The following CACNB2 variants were observed in gnomAD, a reference collection of about 807,000 sequenced individuals.
CACNB2 encodes voltage-dependent L-type calcium channel subunit beta-2.
CACNB2 carries 42 observed loss-of-function variants against 73.3 expected under a neutral mutation model. The ratio of observed to expected loss-of-function variants is 0.57; its 90% CI spans 0.45 to 0.74. The LOEUF is 0.74. CACNB2 is among the 30% of genes least tolerant of loss of function. CACNB2 has a pLI of 0.00. For missense variants in CACNB2, 940 were observed against 853.0 expected (o/e 1.10, Z -1.27); for synonymous variants, 348 against 310.3 (o/e 1.12, Z -1.28).
At chr10:18,302,618 C>T (rs1046782744) in intron 2 of CACNB2, among the ~76,000 whole-genome samples, 3 of 152,162 alleles carry the variant, frequency 2.0e-5, no homozygotes, top group Non-Finnish European at 2.9e-5. Context: ...ACATTATATT[C>T]ATATGTTCTC....
At chr10:18,401,068 A>C in intron 2 of CACNB2, 13 of 1,614,198 alleles carry the variant, frequency 8.1e-6, no homozygotes, top group Non-Finnish European at 1.1e-5. Flanking sequence ...GAAAAGAGCC[A>C]AGGGAGGAAG....
chr10:18,432,761 G>A (rs1420636262), intron 3 of CACNB2, among the ~76,000 whole-genome samples: 1 of 152,094 alleles, frequency 6.6e-6, no homozygotes, highest in Admixed American at 6.6e-5. Context: ...GCTTGAGCCA[G>A]GAGGCAGAGG....
chr10:18,412,391 G>A (rs16917298), intron 3 of CACNB2, among the ~76,000 whole-genome samples: 11,234 of 152,124 alleles, frequency 0.074, 490 homozygotes, highest in Non-Finnish European at 0.1. Flanking sequence ...AATAAACAAC[G>A]CTGTCCTCCC....
At chr10:18,325,895 C>A (rs1356279898) in intron 2 of CACNB2, among the ~76,000 whole-genome samples, 1 of 152,000 alleles carries the variant, frequency 6.6e-6, no homozygotes, top group African/African-American at 2.4e-5. Flanking sequence ...GAGGCGCACA[C>A]CACCATGCTC....
intron 2 of CACNB2, among the ~76,000 whole-genome samples, chr10:18,259,116 A>C (rs936603927): frequency 1.3e-5 from 2 of 152,330 alleles, no homozygotes; most frequent in Middle Eastern, 3.4e-3. Flanking sequence ...TTCAGAGTTT[A>C]AATTATGCTA....
intron 2 of CACNB2, among the ~76,000 whole-genome samples, chr10:18,365,935 A>G (rs1206391663): frequency 6.6e-6 from 1 of 152,204 alleles, no homozygotes; most frequent in East Asian, 1.9e-4. Flanking sequence ...GAGGGTAGGA[A>G]TTCCAGGAAG....
intron 2 of CACNB2, among the ~76,000 whole-genome samples, chr10:18,283,637 G>A (rs916014423): frequency 4.7e-5 from 7 of 149,038 alleles, no homozygotes; most frequent in South Asian, 2.2e-4. Context: ...ACTTGGACAC[G>A]GGGTGGGAAC....
intron 2 of CACNB2, among the ~76,000 whole-genome samples, chr10:18,318,555 A>G (rs181150175): frequency 5.1e-4 from 78 of 152,376 alleles, no homozygotes; most frequent in African/African-American, 1.7e-3. Context: ...CAAAGACTTT[A>G]TGATGAAAAC....
Position 18,242,767 on chromosome 10 carries a change from G to A in CACNB2, c.213+91792G>A, listed in dbSNP as rs890666950. Among the ~76,000 whole-genome samples, 5 of 151,310 alleles carry A rather than the reference G, an allele frequency of 3.3e-5. No homozygotes were observed. In the East Asian group the frequency reaches 5.8e-4, roughly 18 times the overall value. On this transcript the variant is annotated intron_variant, in intron 2 of 13. Coordinates refer to ENST00000324631, the MANE Select transcript of CACNB2 (RefSeq NM_201596.3). ...TGGGAGGCTGAGGCAGGTGGATCAC[G>A]AGGTCAGGAGATTGAGACCATCCTG...
intron 2 of CACNB2, among the ~76,000 whole-genome samples, chr10:18,304,539 C>G (rs1588991596): frequency 6.6e-6 from 1 of 152,038 alleles, no homozygotes. Flanking sequence ...CCAATGTAAC[C>G]TAAACCTGTT....
At chr10:18,249,024 C>G (rs558999602) in intron 2 of CACNB2, among the ~76,000 whole-genome samples, 41 of 152,300 alleles carry the variant, frequency 2.7e-4, no homozygotes, top group Non-Finnish European at 5.4e-4. Context: ...CTGGCCAGTC[C>G]ACTCACCTAC....
intron 2 of CACNB2, among the ~76,000 whole-genome samples, chr10:18,249,445 C>T (rs1793173219): frequency 6.6e-6 from 1 of 152,110 alleles, no homozygotes; most frequent in African/African-American, 2.4e-5. Context: ...CATTTTTCTA[C>T]TCTCTGCTTA....
intron 13 of CACNB2, among the ~76,000 whole-genome samples, chr10:18,538,646 T>C (rs578082063): frequency 7.9e-5 from 12 of 152,264 alleles, no homozygotes; most frequent in Admixed American, 6.5e-4. Context: ...CTCTTACCAC[T>C]TGTGGGGTGG....
chr10:18,433,604 C>T (rs564420090), intron 3 of CACNB2, among the ~76,000 whole-genome samples: 24 of 152,096 alleles, frequency 1.6e-4, no homozygotes, highest in African/African-American at 5.5e-4. Flanking sequence ...AAAGCCCTTT[C>T]TCATGCAAAT....
At chr10:18,420,743 C>T (rs1053676017) in intron 3 of CACNB2, among the ~76,000 whole-genome samples, 3 of 152,202 alleles carry the variant, frequency 2.0e-5, no homozygotes, top group Admixed American at 1.3e-4. Context: ...TTAGCCATCA[C>T]AGTCAGCTAA....
chr10:18,436,677 A>G (rs574272494), intron 3 of CACNB2, among the ~76,000 whole-genome samples: 2 of 152,368 alleles, frequency 1.3e-5, no homozygotes, highest in East Asian at 3.9e-4. Flanking sequence ...TTTTATACCT[A>G]CAAAATGTTA....
chr10:18,375,410 A>C (rs1479824498), intron 2 of CACNB2, among the ~76,000 whole-genome samples: 1 of 152,156 alleles, frequency 6.6e-6, no homozygotes, highest in Non-Finnish European at 1.5e-5. Context: ...AAGTCTTCTG[A>C]GAGGTAGTAT....
At chr10:18,433,351 G>C (rs1210604052) in intron 3 of CACNB2, among the ~76,000 whole-genome samples, 2 of 152,132 alleles carry the variant, frequency 1.3e-5, no homozygotes, top group African/African-American at 4.8e-5. Flanking sequence ...TATAAAGCCA[G>C]GCTACTTTAC....
chr10:18,190,467 G>T (rs2034347146), intron 2 of CACNB2, among the ~76,000 whole-genome samples: 2 of 152,114 alleles, frequency 1.3e-5, no homozygotes, highest in South Asian at 4.1e-4. Context: ...AGACGTCCTG[G>T]AAGAGGCAAA....
Sources: gnomAD v4.1 joint callset for allele counts (sites outside exome capture counted in the v4.1 genomes callset) on GRCh38, gnomAD v4.1.1 for gene constraint, MANE v1.5 for transcripts, NCBI Gene and HGNC (gene_info 2026-07-23, HGNC 2026-07-21) for gene names.